GALK2: variants seen among roughly 807,000 people sequenced by gnomAD.
The protein encoded by GALK2 is galactokinase 2, also known as N-acetylgalactosamine kinase.
A neutral mutation model predicts 52.4 loss-of-function variants in GALK2; 36 were observed. The ratio of observed to expected loss-of-function variants is 0.69; its 90% CI spans 0.53 to 0.91. The LOEUF (loss-of-function observed/expected upper bound fraction) is 0.91. Ranked by LOEUF, GALK2 falls within the 40% of genes least tolerant of loss-of-function variation. GALK2 has a pLI of 0.00. For synonymous variants in GALK2, 176 were observed against 199.1 expected (o/e 0.88, Z 0.98); for missense variants, 579 against 559.1 (o/e 1.04, Z -0.36).
intron 4 of GALK2, among the ~76,000 whole-genome samples, chr15:49,238,342 T>G (rs529596306): frequency 7.7e-4 from 117 of 152,352 alleles, no homozygotes; most frequent in African/African-American, 2.7e-3. Context: ...CTTTCCATAT[T>G]TAAATCAGAA....
chr15:49,297,225 CT>C (rs141274001), intron 8 of GALK2, among the ~76,000 whole-genome samples: 1 of 152,000 alleles, frequency 6.6e-6, no homozygotes, highest in Admixed American at 6.6e-5. Context: ...ATGTGTATGT[CT>C]TTTTTTGAGA....
intron 3 of GALK2, among the ~76,000 whole-genome samples, chr15:49,345,497 A>C (rs1311854990): frequency 1.3e-5 from 2 of 152,264 alleles, no homozygotes; most frequent in African/African-American, 4.8e-5. Flanking sequence ...ACTTATAACT[A>C]TAAATTTTTT....
At position 49,283,724 on chromosome 15, in the gene GALK2, A is replaced by C. The variant is rs770244662; in HGVS notation, c.756+6A>C. ...AGTGTCGGCTGGCTGCGAAGGTATGAACTTGGCAGGCTAGTGAAACTTGAA... is the reference window on the plus strand; with the variant it reads ...AGTGTCGGCTGGCTGCGAAGGTATGCACTTGGCAGGCTAGTGAAACTTGAA... On this transcript the variant is annotated splice_donor_region_variant and intron_variant, in intron 7 of 9. Coordinates refer to ENST00000560031, the MANE Select transcript of GALK2 (RefSeq NM_002044.4). The C allele has an allele frequency of 6.2e-7, 1 of 1,613,430 alleles. No homozygotes were observed. Among genetic ancestry groups the C allele is most frequent in the Non-Finnish European group, 8.5e-7 (1 of 1,179,674 alleles).
intron 7 of GALK2, among the ~76,000 whole-genome samples, chr15:49,290,999 A>G (rs2033879834): frequency 6.6e-6 from 1 of 152,120 alleles, no homozygotes; most frequent in African/African-American, 2.4e-5. Flanking sequence ...TTCATCACCC[A>G]GGCCGGAGCA....
At chr15:49,266,502 G>C (rs988199315) in intron 5 of GALK2, among the ~76,000 whole-genome samples, 7 of 152,166 alleles carry the variant, frequency 4.6e-5, no homozygotes, top group African/African-American at 1.2e-4. Context: ...TCTCTGTTTT[G>C]CTTGTCTGTT....
intron 8 of GALK2, among the ~76,000 whole-genome samples, chr15:49,295,319 C>G (rs966155159): frequency 6.8e-6 from 1 of 146,154 alleles, no homozygotes; most frequent in African/African-American, 2.7e-5. Context: ...TTCTCTCTCT[C>G]TCTCTCTCTC....
chr15:49,190,338 A>G (rs1277140026), intron 1 of GALK2, among the ~76,000 whole-genome samples: 2 of 152,064 alleles, frequency 1.3e-5, no homozygotes, highest in Admixed American at 1.3e-4. Context: ...AATGCAACTG[A>G]TTGCCCCCTG....
chr15:49,224,707 C>A (rs1443198904), intron 3 of GALK2, among the ~76,000 whole-genome samples: 1 of 152,114 alleles, frequency 6.6e-6, no homozygotes, highest in Non-Finnish European at 1.5e-5. Context: ...TGTTTTTGTA[C>A]CAATACTATG....
chr15:49,248,324 C>G (rs1414034925), intron 5 of GALK2, among the ~76,000 whole-genome samples: 3 of 152,176 alleles, frequency 2.0e-5, no homozygotes, highest in African/African-American at 7.2e-5. Flanking sequence ...CACATAAGGA[C>G]ATTGTTTCAG....
chr15:49,243,364 A>T lies in GALK2; in HGVS notation c.504+3997A>T, dbSNP rs541131441. Among the ~76,000 whole-genome samples, 3 of 152,220 alleles carry T rather than the reference A, an allele frequency of 2.0e-5. No individual in the cohort carries two copies. In the South Asian group the frequency reaches 6.2e-4, roughly 32 times the overall value. ...AATTCTTAGCTCCATTCTTCTGGTC[A>T]TTACTGGCACACTGGCAACCTCACC... On this transcript the variant is annotated intron_variant, in intron 5 of 9. Transcript: ENST00000560031.
chr15:49,259,374 G>A (rs1364630243), intron 5 of GALK2, among the ~76,000 whole-genome samples: 4 of 119,722 alleles, frequency 3.3e-5, no homozygotes, highest in African/African-American at 1.3e-4. Context: ...AGAGTGTGAT[G>A]TTCCCCTTCC....
intron 3 of GALK2, among the ~76,000 whole-genome samples, chr15:49,230,390 G>A (rs76921218): frequency 0.04 from 6,047 of 152,174 alleles, 201 homozygotes; most frequent in South Asian, 0.099. Context: ...CTTTACCCAC[G>A]CTGAAGAGCC....
At chr15:49,271,554 T>C (rs1221332374) in intron 5 of GALK2, among the ~76,000 whole-genome samples, 2 of 152,252 alleles carry the variant, frequency 1.3e-5, no homozygotes, top group East Asian at 1.9e-4. Flanking sequence ...ACCAAGACTC[T>C]GAGCTCAAAT....
At chr15:49,331,985 C>T (rs1266381994), downstream of GALK2, 3 of 631,338 alleles carry the variant, frequency 4.8e-6, no homozygotes, top group Non-Finnish European at 8.5e-6. Flanking sequence ...TTCAATTACC[C>T]TTAAAACTTC....
chr15:49,283,210 G>A (rs1010860257), intron 6 of GALK2, among the ~76,000 whole-genome samples: 1 of 152,130 alleles, frequency 6.6e-6, no homozygotes, highest in African/African-American at 2.4e-5. Context: ...ACTCAGTTTA[G>A]ATTTCTCTTT....
chr15:49,169,776 A>G (rs1424160055), upstream of GALK2, among the ~76,000 whole-genome samples: 1 of 152,236 alleles, frequency 6.6e-6, no homozygotes, highest in Non-Finnish European at 1.5e-5. Context: ...TATTTAAATC[A>G]AGTGATACAT....
At chr15:49,278,178 G>A (rs1287501436) in intron 5 of GALK2, among the ~76,000 whole-genome samples, 1 of 152,100 alleles carries the variant, frequency 6.6e-6, no homozygotes, top group African/African-American at 2.4e-5. Context: ...GGAGAATGGC[G>A]TGAACCCGGG....
chr15:49,293,166 G>A (rs1036850009), intron 8 of GALK2, among the ~76,000 whole-genome samples: 1 of 152,112 alleles, frequency 6.6e-6, no homozygotes, highest in Non-Finnish European at 1.5e-5. Context: ...GATGGTTATG[G>A]GGGATGAGTA....
chr15:49,359,253 T>G (rs1452864266), intron 3 of GALK2, among the ~76,000 whole-genome samples: 1 of 138,192 alleles, frequency 7.2e-6, no homozygotes, highest in Non-Finnish European at 1.6e-5. Flanking sequence ...CTAATTAAAC[T>G]AAAGAGCTTC....
Sources: gnomAD v4.1 joint callset for allele counts (sites outside exome capture counted in the v4.1 genomes callset) on GRCh38, gnomAD v4.1.1 for gene constraint, MANE v1.5 for transcripts, NCBI Gene and HGNC (gene_info 2026-07-23, HGNC 2026-07-21) for gene names.